The following STXBP4 variants were observed in gnomAD, a reference collection of about 807,000 sequenced individuals.
The protein encoded by STXBP4 is syntaxin binding protein 4.
Under a neutral mutation model 76.1 loss-of-function variants are expected in STXBP4, and 55 were observed. That is an observed-to-expected ratio of 0.72 (90% CI 0.58 to 0.91). The LOEUF is 0.91. STXBP4 is among the 40% of genes least tolerant of loss of function. The pLI is 0.00. For missense variants in STXBP4, 618 were observed against 636.9 expected (o/e 0.97, Z 0.32); for synonymous variants, 201 against 220.2 (o/e 0.91, Z 0.77).
the STXBP4 span, among the ~76,000 whole-genome samples, chr17:55,193,974 A>G: frequency 6.6e-6 from 1 of 152,172 alleles, no homozygotes; most frequent in African/African-American, 2.4e-5. Flanking sequence ...AGCAACCAAC[A>G]GAGGAAGAAT....
chr17:55,064,125 A>T (rs575886886), intron 12 of STXBP4, among the ~76,000 whole-genome samples: 47 of 152,324 alleles, frequency 3.1e-4, no homozygotes, highest in Non-Finnish European at 6.0e-4. Context: ...TTCTCTAGTC[A>T]TGCCTAATCC....
chr17:55,017,408 G>A (rs1415010982), intron 8 of STXBP4, among the ~76,000 whole-genome samples: 1 of 152,080 alleles, frequency 6.6e-6, no homozygotes, highest in Non-Finnish European at 1.5e-5. Context: ...GACTCCCTGG[G>A]TTTATAGCCT....
chr17:55,102,737 C>A (rs1315726860), intron 16 of STXBP4, among the ~76,000 whole-genome samples: 7 of 152,148 alleles, frequency 4.6e-5, no homozygotes, highest in Admixed American at 3.9e-4. Flanking sequence ...ATTTACACTC[C>A]CACCAACAGT....
the STXBP4 span, among the ~76,000 whole-genome samples, chr17:55,204,663 C>G: frequency 6.6e-6 from 1 of 152,104 alleles, no homozygotes; most frequent in African/African-American, 2.4e-5. Flanking sequence ...AGCAATGTCT[C>G]TCCTATATGA....
chr17:55,090,046 C>G (rs779010342), intron 16 of STXBP4, among the ~76,000 whole-genome samples: 1 of 152,042 alleles, frequency 6.6e-6, no homozygotes, highest in East Asian at 1.9e-4. Flanking sequence ...ACAACAGTAA[C>G]GATTGTGGGA....
intron 16 of STXBP4, among the ~76,000 whole-genome samples, chr17:55,123,460 A>C (rs1010484225): frequency 6.6e-5 from 10 of 152,148 alleles, no homozygotes; most frequent in Non-Finnish European, 1.3e-4. Flanking sequence ...GCTTCTTGTT[A>C]TATAGGTTTC....
chr17:55,135,294 C>T (rs244310), intron 16 of STXBP4, among the ~76,000 whole-genome samples: 96,993 of 151,904 alleles, frequency 0.64, 31,827 homozygotes, highest in African/African-American at 0.79. Context: ...TATCTAATTA[C>T]GTTAACATTT....
chr17:55,123,597 C>A (rs1433235657), intron 16 of STXBP4, among the ~76,000 whole-genome samples: 3 of 152,062 alleles, frequency 2.0e-5, no homozygotes, highest in African/African-American at 7.2e-5. Flanking sequence ...TGAGCAACAA[C>A]AACGACAAAT....
intron 8 of STXBP4, among the ~76,000 whole-genome samples, chr17:55,013,764 G>A (rs988138856): frequency 5.3e-5 from 8 of 152,202 alleles, no homozygotes; most frequent in Non-Finnish European, 1.0e-4. Flanking sequence ...CAAGTCTTGG[G>A]CTAATGCCTG....
rs113320110 is a variant in STXBP4 at position 55,157,918 on chromosome 17, G to T, written c.1548-1879G>T. Among the ~76,000 whole-genome samples, 678 of 152,266 alleles carry T rather than the reference G, an allele frequency of 4.5e-3. 5 individuals are homozygous for T. Among genetic ancestry groups the T allele is most frequent in the African/African-American group, 0.015 (624 of 41,542 alleles). ...GCCCTGTGTTTGTTAACGGAGATAT[G>T]TTACTTTGAGTAATATTACATAGTC... On this transcript the variant is annotated intron_variant, in intron 17 of 17. Coordinates refer to ENST00000376352, the MANE Select transcript of STXBP4 (RefSeq NM_178509.6).
At position 54,972,666 on chromosome 17, in the gene STXBP4, CT is replaced by C. The variant is rs2077417413; in HGVS notation, c.-157+3852del. The stretch of plus-strand genomic sequence containing the variant: ...TGACCTGCCTTGGAATCAGCCTTCT[CT>C]GCCACGAATTTTGGTTTCTTTAGTG... On this transcript the variant is annotated intron_variant, in intron 1 of 17. Transcript: ENST00000376352. Among the ~76,000 whole-genome samples the C allele has an allele frequency of 2.0e-5, 3 of 152,118 alleles. No individual in the cohort carries two copies. In the South Asian group the frequency reaches 6.2e-4, roughly 31 times the overall value.
chr17:55,184,150 C>T, the STXBP4 span, among the ~76,000 whole-genome samples: 1 of 151,996 alleles, frequency 6.6e-6, no homozygotes, highest in Non-Finnish European at 1.5e-5. Flanking sequence ...GATTTTATTT[C>T]TTCCTTTATA....
intron 8 of STXBP4, among the ~76,000 whole-genome samples, chr17:55,026,729 G>T (rs190181787): frequency 6.6e-6 from 1 of 152,316 alleles, no homozygotes; most frequent in Non-Finnish European, 1.5e-5. Flanking sequence ...TATTACAGGG[G>T]ACTTTGTGGA....
intron 7 of STXBP4, among the ~76,000 whole-genome samples, chr17:55,002,026 A>G (rs574062034): frequency 2.6e-4 from 40 of 152,344 alleles, no homozygotes; most frequent in African/African-American, 8.2e-4. Context: ...GTTAATAGCA[A>G]TCTTAAGCCA....
At chr17:54,973,809 A>G (rs1313788120) in intron 1 of STXBP4, among the ~76,000 whole-genome samples, 2 of 152,228 alleles carry the variant, frequency 1.3e-5, no homozygotes, top group Non-Finnish European at 2.9e-5. Flanking sequence ...TTTAAATATC[A>G]AGAGCTGGAC....
At chr17:55,156,063 C>T (rs965332280) in intron 17 of STXBP4, among the ~76,000 whole-genome samples, 1 of 152,162 alleles carries the variant, frequency 6.6e-6, no homozygotes, top group African/African-American at 2.4e-5. Flanking sequence ...CTGTTGACTG[C>T]TCTCCAAATC....
Position 55,031,148 on chromosome 17 carries a change from A to T in STXBP4, c.667-20A>T. Reference sequence around the variant, plus strand: ...TTGGAGATTTGAAAAATTGCTTTTCATGAGTCCTTTATCTTCCAGGCTCTA... The same window carrying T: ...TTGGAGATTTGAAAAATTGCTTTTCTTGAGTCCTTTATCTTCCAGGCTCTA... On this transcript the variant is annotated intron_variant, in intron 8 of 17. Transcript: ENST00000376352. 2.5e-6 allele frequency: 4 copies of T among 1,597,218 alleles called. No individual in the cohort carries two copies. Among genetic ancestry groups the T allele is most frequent in the Non-Finnish European group, 3.4e-6 (4 of 1,166,770 alleles).
At chr17:55,057,558 C>T (rs2078942893) in intron 12 of STXBP4, among the ~76,000 whole-genome samples, 1 of 152,122 alleles carries the variant, frequency 6.6e-6, no homozygotes, top group Admixed American at 6.6e-5. Flanking sequence ...TCTAATTTTA[C>T]TTTGAGTTCT....
chr17:55,005,264 G>C (rs758103332), intron 7 of STXBP4, among the ~76,000 whole-genome samples: 1 of 152,194 alleles, frequency 6.6e-6, no homozygotes, highest in Non-Finnish European at 1.5e-5. Flanking sequence ...GATTATGAAA[G>C]ATGTTGAACA....
Sources: allele counts gnomAD v4.1 joint callset (sites outside exome capture counted in the v4.1 genomes callset), GRCh38; gene constraint gnomAD v4.1.1; transcripts MANE v1.5; gene names NCBI Gene and HGNC (gene_info 2026-07-23, HGNC 2026-07-21).